Variants in TMEM95 observed in about 807,000 individuals in gnomAD.
TMEM95 encodes the protein transmembrane protein 95.
Under a neutral mutation model 27.7 loss-of-function variants are expected in TMEM95, and 21 were observed. The ratio of observed to expected loss-of-function variants is 0.76; its 90% confidence interval spans 0.54 to 1.09. The LOEUF is 1.09. Among genes scored for constraint, TMEM95 ranks in the 50% least tolerant of loss-of-function variants. The pLI is 0.00. For missense variants in TMEM95, 203 were observed against 217.9 expected (o/e 0.93, Z 0.43); for synonymous variants, 77 against 85.7 (o/e 0.90, Z 0.56).
Position 7,356,216 on chromosome 17 carries a change from AACTGCT to A in TMEM95, c.350_355del (p.Asn117_Ser119delinsThr). The stretch of plus-strand genomic sequence containing the variant: ...TGCAGGGGGCAGCACCACGCTGTAC[AACTGCT>A]CCACCTGCAAGGGGACGGAGGTGTC... On this transcript the variant is annotated inframe_deletion, in exon 5 of 7. Coordinates refer to ENST00000576060, the MANE Select transcript of TMEM95 (RefSeq NM_001320436.2). 1 of 1,566,848 alleles carries A rather than the reference AACTGCT, an allele frequency of 6.4e-7. No homozygotes were observed. The highest frequency in any genetic ancestry group is 8.6e-7 in the Non-Finnish European group (1 of 1,156,582).
At chr17:7,356,570 G>A (rs1482975007) in intron 6 of TMEM95, 29 bp from the exon 7 acceptor site, 14 of 1,439,900 alleles carry the variant, frequency 9.7e-6, no homozygotes, top group South Asian at 4.5e-5. Context: ...GGCCCCTCCC[G>A]TAGGCTTCCC....
Position 7,355,723 on chromosome 17 carries a change from A to C in TMEM95, c.226+81A>C, listed in dbSNP as rs575620909. Reference sequence around the variant, plus strand: ...ACGGGTGACAGGGGTTGGGGTGGGCAGGGAAGGGTGGAGGGGTAGAGACAG... The same window carrying C: ...ACGGGTGACAGGGGTTGGGGTGGGCCGGGAAGGGTGGAGGGGTAGAGACAG... On this transcript the variant is annotated intron_variant, in intron 2 of 6. Transcript: ENST00000576060. This position sits in a 1 kb window ranked among gnomAD's most constrained non-coding sequence, Gnocchi z 4.9. 32 of 788,398 alleles carry C rather than the reference A, an allele frequency of 4.1e-5. No homozygotes were observed. Among genetic ancestry groups the C allele is most frequent in the South Asian group, 2.0e-4 (15 of 73,904 alleles). The allele number at this position is 788,398 out of a possible 1,614,324, so 48.8% of individuals were successfully genotyped here.
rs2073480125 is a variant in TMEM95, at chr17:7,355,663, T to G, written c.226+21T>G. 1.3e-6 allele frequency: 2 copies of G among 1,550,398 alleles called. No individual in the cohort carries two copies. The highest frequency in any genetic ancestry group is 2.0e-5 in the Admixed American group (1 of 51,192). On this transcript the variant is annotated intron_variant, in intron 2 of 6. Transcript: ENST00000576060. This position sits in a 1 kb window ranked among gnomAD's most constrained non-coding sequence, Gnocchi z 4.9. Reference sequence around the variant, plus strand: ...CATGGGTGAGGTCAAGGGGAAAGAGTGACCTAGGGGCTTGGGAGGATACCA... The same window carrying G: ...CATGGGTGAGGTCAAGGGGAAAGAGGGACCTAGGGGCTTGGGAGGATACCA...
rs2073480886 is a variant in TMEM95 at position 7,355,693 on chromosome 17, G to A, written c.226+51G>A. On this transcript the variant is annotated intron_variant, in intron 2 of 6. Coordinates refer to ENST00000576060, the MANE Select transcript of TMEM95 (RefSeq NM_001320436.2). The surrounding 1 kb of genome is among the most constrained non-coding windows in gnomAD (Gnocchi z 4.9). ...TAGGGGCTTGGGAGGATACCAAGGA[G>A]AGGGACGGGTGACAGGGGTTGGGGT... 6.9e-7 allele frequency: 1 copy of A among 1,444,536 alleles called. No individual in the cohort carries two copies. Among genetic ancestry groups the A allele is most frequent in the East Asian group, 2.3e-5 (1 of 42,608 alleles). 89.5% of individuals were successfully genotyped at this position (1,444,536 alleles called of 1,614,324 possible). A position where few individuals can be genotyped will look rare whatever the true frequency, so the allele number is the denominator to read the frequency against.
chr17:7,356,086 G>T (rs1484946001), intron 4 of TMEM95, 37 bp downstream of exon 4: 4 of 1,613,730 alleles, frequency 2.5e-6, no homozygotes, highest in East Asian at 2.2e-5. Context: ...AGGACCTGGG[G>T]CCTGCAGGGT....
intron 6 of TMEM95, 32 bp from the exon 7 acceptor site, chr17:7,356,567 C>G (rs1252521014): frequency 6.2e-7 from 1 of 1,611,440 alleles, no homozygotes; most frequent in Non-Finnish European, 8.5e-7. Context: ...CCAGGCCCCT[C>G]CCGTAGGCTT....
At position 7,355,423 on chromosome 17, in the gene TMEM95, C is replaced by T. The variant is rs780153689; in HGVS notation, c.169+50C>T. 2 of 1,581,942 alleles carry T rather than the reference C, an allele frequency of 1.3e-6. No homozygotes were observed. Among genetic ancestry groups the T allele is most frequent in the Non-Finnish European group, 1.7e-6 (2 of 1,160,992 alleles). On this transcript the variant is annotated intron_variant, in intron 1 of 6. Transcript: ENST00000576060. This position sits in a 1 kb window ranked among gnomAD's most constrained non-coding sequence, Gnocchi z 4.9. ...GCCCAGCAAGCACTCACCCCCCTAC[C>T]CCCAGAGGGTGGCATGTGACCTTCC...
In TMEM95 at chr17:7,355,834, C is replaced by A; in HGVS notation, c.227-4C>A. 6.2e-7 allele frequency: 1 copy of A among 1,613,826 alleles called. No homozygotes were observed. The highest frequency in any genetic ancestry group is 8.5e-7 in the Non-Finnish European group (1 of 1,179,892). The stretch of plus-strand genomic sequence containing the variant: ...GGAAACGGAGCTGCTGTCTGCCTCC[C>A]CAGAAATCAAAGAGGCTGTCTCCTC... On this transcript the variant is annotated splice_region_variant and splice_polypyrimidine_tract_variant and intron_variant, in intron 2 of 6. Transcript: ENST00000576060. The surrounding 1 kb of genome is among the most constrained non-coding windows in gnomAD (Gnocchi z 4.9).
At position 7,355,933 on chromosome 17, in the gene TMEM95, T is replaced by C; in HGVS notation, c.307+15T>C. ...CACCAGGGAAGGTACCGATGCGGGA[T>C]GGGCCTCAAGGGGAGCCTAGGGTCT... On this transcript the variant is annotated intron_variant, in intron 3 of 6. Transcript: ENST00000576060. This position sits in a 1 kb window ranked among gnomAD's most constrained non-coding sequence, Gnocchi z 4.9. The C allele has an allele frequency of 6.2e-7, 1 of 1,613,990 alleles. No homozygotes were observed. Among genetic ancestry groups the C allele is most frequent in the Non-Finnish European group, 8.5e-7 (1 of 1,179,916 alleles).
Position 7,356,697 on chromosome 17 carries a change from G to A in TMEM95, c.*65G>A. 2 of 1,570,814 alleles carry A rather than the reference G, an allele frequency of 1.3e-6. No homozygotes were observed. The highest frequency in any genetic ancestry group is 1.7e-6 in the Non-Finnish European group (2 of 1,145,064). ...TGCACTCACAACTTCCACATCCCTT[G>A]GAGGGGAACCAGTCAGCCCCTTAGT... On this transcript the variant is annotated 3_prime_UTR_variant, in exon 7 of 7. Transcript: ENST00000576060.
chr17:7,356,392 G>A lies in TMEM95; in HGVS notation c.410G>A (p.Gly137Glu). ...SCWPRKRCFP[G>E]SQDLWEAKIL... ...TCACTGCCTCCTGGGTTCCCTGCAGGAAGTCAGGATCTTTGGGAAGCCAAG... is the reference window on the plus strand; with the variant it reads ...TCACTGCCTCCTGGGTTCCCTGCAGAAAGTCAGGATCTTTGGGAAGCCAAG... The change falls in exon 6 of 7, where the codon GGA becomes GAA. Residue 137 changes from glycine (G) to glutamate (E), a missense_variant and splice_region_variant. Coordinates refer to ENST00000576060, the MANE Select transcript of TMEM95 (RefSeq NM_001320436.2). The A allele has an allele frequency of 6.2e-7, 1 of 1,613,898 alleles. No individual in the cohort carries two copies. The highest frequency in any genetic ancestry group is 8.5e-7 in the Non-Finnish European group (1 of 1,179,920).
In TMEM95 at chr17:7,356,040, C is replaced by A; in HGVS notation, c.319C>A (p.Pro107Thr). 6.2e-7 allele frequency: 1 copy of A among 1,614,008 alleles called. No individual in the cohort carries two copies. Among genetic ancestry groups the A allele is most frequent in the Non-Finnish European group, 8.5e-7 (1 of 1,179,962 alleles). The change falls in exon 4 of 7, where the codon CCC (proline) becomes ACC (threonine). Residue 107 changes from proline (P) to threonine (T), a missense_variant. By Grantham distance (38) the Pro-to-Thr change is conservative (BLOSUM62 -1). Transcript: ENST00000576060. ...GTCTTTCATTTCAGCTCTCTGTCCC[C>A]CCGCCTGCCGTGAGTAGGAAAGGAA... is the stretch of plus-strand genomic sequence containing the variant. ...PEYTREALCP[P>T]ACRGSTTLYN...
rs757321934 is a variant in TMEM95, at chr17:7,356,452, T to G, written c.470T>G (p.Leu157Arg). Reference protein sequence around the residue: ...LLLSIFGAFLLLGVLSLLVES... With the variant: ...LLLSIFGAFLRLGVLSLLVES... ...CTCTCCATCTTCGGAGCTTTCCTGCTTCTGGGTGTTCTGAGCCTCCTGGTG... is the reference window on the plus strand; with the variant it reads ...CTCTCCATCTTCGGAGCTTTCCTGCGTCTGGGTGTTCTGAGCCTCCTGGTG... The change falls in exon 6 of 7, where the codon CTT becomes CGT. Residue 157 changes from leucine (L) to arginine (R), a missense_variant. Leu to Arg is a moderately radical substitution (Grantham distance 102, BLOSUM62 -2). Coordinates refer to ENST00000576060, the MANE Select transcript of TMEM95 (RefSeq NM_001320436.2). 2 of 1,614,094 alleles carry G rather than the reference T, an allele frequency of 1.2e-6. No individual in the cohort carries two copies. Among genetic ancestry groups the G allele is most frequent in the South Asian group, 2.2e-5 (2 of 91,088 alleles).
At position 7,355,415 on chromosome 17, in the gene TMEM95, C is replaced by G; in HGVS notation, c.169+42C>G. The G allele has an allele frequency of 6.3e-7, 1 of 1,586,660 alleles. No homozygotes were observed. The highest frequency in any genetic ancestry group is 8.6e-7 in the Non-Finnish European group (1 of 1,163,960). On this transcript the variant is annotated intron_variant, in intron 1 of 6. Transcript: ENST00000576060. This position sits in a 1 kb window ranked among gnomAD's most constrained non-coding sequence, Gnocchi z 4.9. The stretch of plus-strand genomic sequence containing the variant: ...AGGGATGGGCCCAGCAAGCACTCAC[C>G]CCCCTACCCCCAGAGGGTGGCATGT...
At chr17:7,356,365 A>G (rs1324568550) in intron 5 of TMEM95, 27 bp from the exon 6 acceptor site, 2 of 1,611,060 alleles carry the variant, frequency 1.2e-6, no homozygotes. Context: ...TCCCAGAATC[A>G]TTCACTGCCT....
rs2073487775 is a variant in TMEM95 at position 7,355,907 on chromosome 17, A to G, written c.296A>G (p.Tyr99Cys). Residue 99 changes from tyrosine (Y) to cysteine (C), a missense_variant, in exon 3 of 7, where the codon TAC becomes TGC. By Grantham distance (194) the Tyr-to-Cys change is radical. Coordinates refer to ENST00000576060, the MANE Select transcript of TMEM95 (RefSeq NM_001320436.2). This position sits in a 1 kb window ranked among gnomAD's most constrained non-coding sequence, Gnocchi z 4.9. ...CTTCGAAAGACCAAGCTCCCTGAGT[A>G]CACCAGGGAAGGTACCGATGCGGGA... is the stretch of plus-strand genomic sequence containing the variant. The part of the protein sequence containing the change: ...SWLRKTKLPE[Y>C]TREALCPPAC... The G allele has an allele frequency of 6.2e-7, 1 of 1,613,744 alleles. No individual in the cohort carries two copies. Among genetic ancestry groups the G allele is most frequent in the East Asian group, 2.2e-5 (1 of 44,880 alleles).
Position 7,355,157 on chromosome 17 carries a change from T to C in TMEM95, c.-48T>C. On this transcript the variant is annotated 5_prime_UTR_variant, in exon 1 of 7. Transcript: ENST00000576060. The surrounding 1 kb of genome is among the most constrained non-coding windows in gnomAD (Gnocchi z 4.9). ...GGGCTGGAGCCAGGGCTGCAGAGCATTCCTCGGCTCAGCTGGGGCAGCGCC... is the reference window on the plus strand; with the variant it reads ...GGGCTGGAGCCAGGGCTGCAGAGCACTCCTCGGCTCAGCTGGGGCAGCGCC... The C allele has an allele frequency of 6.3e-7, 1 of 1,580,926 alleles. No individual in the cohort carries two copies. The highest frequency in any genetic ancestry group is 8.6e-7 in the Non-Finnish European group (1 of 1,164,518).
rs761896998 is a variant in TMEM95 at position 7,356,163 on chromosome 17, C to T, written c.329-33C>T. On this transcript the variant is annotated intron_variant, in intron 4 of 6. Transcript: ENST00000576060. ...CAGGCAGGGTGGAGGCCCGGCCTCC[C>T]CTCCCCAGCGTTGCCTCTGCTGTCT... 41 of 1,585,836 alleles carry T rather than the reference C, an allele frequency of 2.6e-5. No individual in the cohort carries two copies. The South Asian group carries it at 4.5e-4, about 18-fold the overall frequency.
chr17:7,356,260 A>C lies in TMEM95; in HGVS notation c.393A>C (p.Arg131=). Reference sequence around the variant, plus strand: ...GGACGGAGGTGTCCTGCTGGCCCCGAAAGCGCTGCTTCCCAGGTCCTCACG... The same window carrying C: ...GGACGGAGGTGTCCTGCTGGCCCCGCAAGCGCTGCTTCCCAGGTCCTCACG... ...CKGTEVSCWP[R]KRCFPGSQDL... Residue 131 remains arginine, a synonymous_variant, in exon 5 of 7, where the codon CGA becomes CGC. Transcript: ENST00000576060. 6.4e-7 allele frequency: 1 copy of C among 1,573,460 alleles called. No individual in the cohort carries two copies. Among genetic ancestry groups the C allele is most frequent in the Non-Finnish European group, 8.6e-7 (1 of 1,161,818 alleles).
Sources: allele counts gnomAD v4.1 joint callset, GRCh38; gene constraint gnomAD v4.1.1; non-coding constraint Gnocchi (gnomAD v3.1); transcripts MANE v1.5; gene names NCBI Gene and HGNC (gene_info 2026-07-23, HGNC 2026-07-21).